The following ZNF536 variants were observed in gnomAD, a reference collection of about 807,000 sequenced individuals.
The protein encoded by ZNF536 is zinc finger protein 536.
In ZNF536, 13 loss-of-function variants were observed where a neutral mutation model predicts 84.5. That is an observed-to-expected ratio of 0.15 (90% CI 0.10 to 0.24). ZNF536 has a LOEUF of 0.24. Ranked by LOEUF, ZNF536 falls within the 10% of genes least tolerant of loss-of-function variation. The pLI, the probability that ZNF536 is intolerant of heterozygous loss-of-function variation, is 1.00. For synonymous variants in ZNF536, 811 were observed against 742.5 expected (o/e 1.09, Z -1.50); for missense variants, 1,536 against 1,747.5 (o/e 0.88, Z 2.16).
chr19:30,244,207 C>G (rs1385269299), intron 1 of ZNF536, among the ~76,000 whole-genome samples: 1 of 152,166 alleles, frequency 6.6e-6, no homozygotes, highest in Non-Finnish European at 1.5e-5. Flanking sequence ...GCTTTAGACA[C>G]AGGATTGCTC....
intron 1 of ZNF536, among the ~76,000 whole-genome samples, chr19:30,627,429 ACACTGC>A (rs2048721746): frequency 7.4e-6 from 1 of 135,014 alleles, no homozygotes; most frequent in African/African-American, 2.8e-5. Context: ...CATGGTTGTG[ACACTGC>A]ACTCCAGCCT....
rs1286116407 is a variant in ZNF536 at position 30,445,194 on chromosome 19, G to A, written c.1632G>A (p.Leu544=). The stretch of plus-strand genomic sequence containing the variant: ...GCTTCTTGTCTAAAGAGCATCCGCT[G>A]CAGCGCAACCACGAAGACACTTTGG... ...EHGFLSKEHP[L]QRNHEDTLAN... The change falls in exon 2 of 5, where the codon CTG becomes CTA. Residue 544 remains leucine, a synonymous_variant. Transcript: ENST00000355537. This position sits in a 1 kb window ranked among gnomAD's most constrained non-coding sequence, Gnocchi z 4.5. The A allele has an allele frequency of 6.2e-6, 10 of 1,614,116 alleles. No homozygotes were observed. The highest frequency in any genetic ancestry group is 1.3e-5 in the African/African-American group (1 of 74,954).
intron 1 of ZNF536, among the ~76,000 whole-genome samples, chr19:30,629,813 G>T (rs553482057): frequency 6.6e-6 from 1 of 152,364 alleles, no homozygotes; most frequent in South Asian, 2.1e-4. Context: ...CTGGGGCCGG[G>T]CAGGGGAAAT....
At chr19:30,609,244 C>T (rs926582959) in intron 1 of ZNF536, among the ~76,000 whole-genome samples, 7 of 152,178 alleles carry the variant, frequency 4.6e-5, no homozygotes, top group African/African-American at 1.7e-4. Context: ...ATTTTGGAAT[C>T]TGAGCCTTCT....
At chr19:30,441,949 C>G (rs781655028) in intron 1 of ZNF536, among the ~76,000 whole-genome samples, 1 of 152,198 alleles carries the variant, frequency 6.6e-6, no homozygotes, top group Non-Finnish European at 1.5e-5. Flanking sequence ...CAGACCCTGC[C>G]GAGGCTGCCT....
intron 1 of ZNF536, among the ~76,000 whole-genome samples, chr19:30,691,165 C>T (rs2051391303): frequency 6.6e-6 from 1 of 152,160 alleles, no homozygotes; most frequent in Admixed American, 6.5e-5. Flanking sequence ...AATCAGACCG[C>T]TGACCAGCTG....
chr19:30,495,158 C>G (rs2054669358), intron 2 of ZNF536, among the ~76,000 whole-genome samples: 1 of 152,134 alleles, frequency 6.6e-6, no homozygotes, highest in African/African-American at 2.4e-5. Flanking sequence ...TCACATAGTA[C>G]ATTACTTAAC....
intron 1 of ZNF536, among the ~76,000 whole-genome samples, chr19:30,619,152 C>T (rs973094506): frequency 1.3e-5 from 2 of 151,866 alleles, no homozygotes; most frequent in Non-Finnish European, 2.9e-5. Context: ...TCTTTTTTTT[C>T]GGGTGCACTA....
chr19:30,383,729 T>G (rs2049141304), intron 1 of ZNF536, among the ~76,000 whole-genome samples: 1 of 23,940 alleles, frequency 4.2e-5, no homozygotes, highest in Non-Finnish European at 8.7e-5. Flanking sequence ...CTTTCTTTCT[T>G]TCTTTCTTTC....
chr19:30,386,132 A>G (rs987128953), intron 1 of ZNF536, among the ~76,000 whole-genome samples: 1 of 152,094 alleles, frequency 6.6e-6, no homozygotes, highest in African/African-American at 2.4e-5. Flanking sequence ...CCCATCCCTC[A>G]GCCCTTTGCC....
chr19:30,273,937 C>G (rs73023638), intron 1 of ZNF536, among the ~76,000 whole-genome samples: 6,987 of 152,082 alleles, frequency 0.046, 200 homozygotes, highest in Non-Finnish European at 0.068. Flanking sequence ...AGAAATGCAC[C>G]AAAATATCAA....
At chr19:30,441,863 C>T (rs945066837) in intron 1 of ZNF536, among the ~76,000 whole-genome samples, 121 of 152,314 alleles carry the variant, frequency 7.9e-4, no homozygotes, top group African/African-American at 2.9e-3. Context: ...ATAGACTCCT[C>T]CTGCCAAGGA....
chr19:30,437,488 G>A (rs2051804449), intron 1 of ZNF536, among the ~76,000 whole-genome samples: 1 of 152,202 alleles, frequency 6.6e-6, no homozygotes, highest in African/African-American at 2.4e-5. Flanking sequence ...TGCTGAGTGT[G>A]AAATTGCATT....
intron 1 of ZNF536, among the ~76,000 whole-genome samples, chr19:30,626,118 T>C (rs2147187133): frequency 6.6e-6 from 1 of 152,338 alleles, no homozygotes; most frequent in East Asian, 1.9e-4. Flanking sequence ...AGTCTGTCTC[T>C]ATGGCAAGGA....
chr19:30,575,351 C>G (rs2046693210), intron 1 of ZNF536, among the ~76,000 whole-genome samples: 1 of 152,182 alleles, frequency 6.6e-6, no homozygotes, highest in Non-Finnish European at 1.5e-5. Flanking sequence ...GTCCCCTACT[C>G]CCAGGACCTC....
At chr19:30,250,028 A>T (rs957430312) in intron 1 of ZNF536, among the ~76,000 whole-genome samples, 3 of 152,192 alleles carry the variant, frequency 2.0e-5, no homozygotes, top group African/African-American at 7.2e-5. Context: ...GCAATTCAGG[A>T]CCCAACTGGT....
chr19:30,584,888 G>A (rs910596715), intron 1 of ZNF536, among the ~76,000 whole-genome samples: 2 of 152,118 alleles, frequency 1.3e-5, no homozygotes, highest in Non-Finnish European at 2.9e-5. Flanking sequence ...TTGAGGCCAG[G>A]AGTTCAAGAC....
chr19:30,459,852 C>G (rs1312157545), intron 2 of ZNF536, among the ~76,000 whole-genome samples: 1 of 152,190 alleles, frequency 6.6e-6, no homozygotes, highest in Non-Finnish European at 1.5e-5. Flanking sequence ...CTTTCCTTCT[C>G]TGTGTGGAGC....
intron 1 of ZNF536, among the ~76,000 whole-genome samples, chr19:30,652,905 C>A (rs990186584): frequency 1.3e-5 from 2 of 152,258 alleles, no homozygotes; most frequent in East Asian, 3.9e-4. Flanking sequence ...ACTTCTTACT[C>A]CCCGTGTGGG....
Sources: allele counts gnomAD v4.1 joint callset (sites outside exome capture counted in the v4.1 genomes callset), GRCh38; gene constraint gnomAD v4.1.1; non-coding constraint Gnocchi (gnomAD v3.1); transcripts MANE v1.5; gene names NCBI Gene and HGNC (gene_info 2026-07-23, HGNC 2026-07-21).